OXCT1: variants seen among roughly 807,000 people sequenced by gnomAD.
OXCT1 encodes 3-oxoacid CoA-transferase 1, also known as succinyl-CoA:3-ketoacid coenzyme A transferase 1, mitochondrial.
A neutral mutation model predicts 69.6 loss-of-function variants in OXCT1; 27 were observed. That is an observed-to-expected ratio of 0.39 (90% CI 0.29 to 0.54). The LOEUF (loss-of-function observed/expected upper bound fraction) is 0.54. OXCT1 is among the 20% of genes least tolerant of loss of function. OXCT1 has a pLI of 0.72. For missense variants in OXCT1, 437 were observed against 650.2 expected (o/e 0.67, Z 3.57); for synonymous variants, 202 against 217.8 (o/e 0.93, Z 0.64).
intron 7 of OXCT1, among the ~76,000 whole-genome samples, chr5:41,831,828 C>T (rs982779351): frequency 6.6e-6 from 1 of 152,146 alleles, no homozygotes; most frequent in African/African-American, 2.4e-5. Flanking sequence ...CAAAAATAGA[C>T]ATTTAAAATG....
intron 7 of OXCT1, among the ~76,000 whole-genome samples, chr5:41,830,180 T>C (rs1024211557): frequency 1.3e-5 from 2 of 152,166 alleles, no homozygotes; most frequent in Non-Finnish European, 2.9e-5. Flanking sequence ...ATTTACCATG[T>C]CTAAAAAATC....
At chr5:41,794,953 T>C (rs1405746025) in intron 11 of OXCT1, among the ~76,000 whole-genome samples, 3 of 152,186 alleles carry the variant, frequency 2.0e-5, no homozygotes, top group Admixed American at 2.0e-4. Context: ...TGCCTTTGCA[T>C]GATGATAATG....
intron 7 of OXCT1, among the ~76,000 whole-genome samples, chr5:41,814,662 G>T (rs1359887870): frequency 6.8e-6 from 1 of 146,708 alleles, no homozygotes; most frequent in Non-Finnish European, 1.5e-5. Flanking sequence ...ACTCATAGGT[G>T]GGAATTGAAC....
At chr5:41,861,503 C>T in intron 2 of OXCT1, 99 bp from the exon 3 acceptor site, 1 of 809,280 alleles carries the variant, frequency 1.2e-6, no homozygotes. Flanking sequence ...TAAAACAAAG[C>T]ACATTATTAG....
Position 41,764,502 on chromosome 5 carries a change from G to A in OXCT1, c.1249-2302C>T, listed in dbSNP as rs530639593. Among the ~76,000 whole-genome samples the A allele has an allele frequency of 2.0e-5, 3 of 152,204 alleles. No individual in the cohort carries two copies. In the South Asian group the frequency reaches 6.2e-4, roughly 32 times the overall value. On this transcript the variant is annotated intron_variant, in intron 13 of 16. Coordinates refer to ENST00000196371, the MANE Select transcript of OXCT1 (RefSeq NM_000436.4). Reference sequence around the variant, plus strand: ...TCTCCTGGAAAAGCTTGTTGCCTATGGAAGGAAAAGTATCCATGAATACTA... The same window carrying A: ...TCTCCTGGAAAAGCTTGTTGCCTATAGAAGGAAAAGTATCCATGAATACTA...
chr5:41,827,095 T>C (rs1270158161), intron 7 of OXCT1, among the ~76,000 whole-genome samples: 1 of 152,096 alleles, frequency 6.6e-6, no homozygotes, highest in Non-Finnish European at 1.5e-5. Flanking sequence ...CCAGATCACA[T>C]CAGTCTCCTC....
intron 5 of OXCT1, 112 bp downstream of exon 5, chr5:41,849,918 G>A (rs1272978815): frequency 6.5e-6 from 7 of 1,069,950 alleles, no homozygotes; most frequent in African/African-American, 1.6e-5. Context: ...GAAAATGAAT[G>A]AGTGCTTTTT....
rs749734929 is a variant in OXCT1 at position 41,807,406 on chromosome 5, A to G, written c.765T>C (p.Ala255=). The G allele has an allele frequency of 1.2e-6, 2 of 1,605,578 alleles. No individual in the cohort carries two copies. Among genetic ancestry groups the G allele is most frequent in the Admixed American group, 1.7e-5 (1 of 59,856 alleles). ...TCTGAGGAATATGGATGTCTTCTGG[A>G]GCAAATGCTCCAATATCCACAATTT... ...VEEIVDIGAF[A]PEDIHIPQIY... is the part of the protein sequence containing the mutation. The change falls in exon 8 of 17, where the codon GCT becomes GCC. Residue 255 remains alanine, a synonymous_variant. Transcript: ENST00000196371.
At chr5:41,778,692 G>C (rs1030396979) in intron 13 of OXCT1, among the ~76,000 whole-genome samples, 2 of 152,164 alleles carry the variant, frequency 1.3e-5, no homozygotes, top group African/African-American at 4.8e-5. Context: ...CCCACCACAT[G>C]CATTAGACAG....
intron 14 of OXCT1, among the ~76,000 whole-genome samples, chr5:41,760,111 A>G (rs1383617334): frequency 1.3e-5 from 2 of 152,168 alleles, no homozygotes; most frequent in Non-Finnish European, 2.9e-5. Context: ...CAAAAAAGAA[A>G]TAGCAGGTTC....
chr5:41,790,208 C>G (rs1745849033), intron 13 of OXCT1, among the ~76,000 whole-genome samples: 1 of 152,186 alleles, frequency 6.6e-6, no homozygotes, highest in Admixed American at 6.5e-5. Flanking sequence ...TTTCAATAAC[C>G]AGCTCTCATA....
At chr5:41,860,330 TA>T (rs1749676117) in intron 3 of OXCT1, among the ~76,000 whole-genome samples, 1 of 152,044 alleles carries the variant, frequency 6.6e-6, no homozygotes, top group Non-Finnish European at 1.5e-5. Context: ...ATATCAAAGA[TA>T]AGTAAAATTC....
At chr5:41,793,352 G>C (rs766691116) in intron 13 of OXCT1, among the ~76,000 whole-genome samples, 2 of 152,176 alleles carry the variant, frequency 1.3e-5, no homozygotes, top group Non-Finnish European at 2.9e-5. Context: ...ACGTACTTGG[G>C]AAGCAACATC....
intron 7 of OXCT1, among the ~76,000 whole-genome samples, chr5:41,826,772 C>T (rs1747826402): frequency 6.6e-6 from 1 of 151,994 alleles, no homozygotes; most frequent in Non-Finnish European, 1.5e-5. Context: ...ACCTTTCCGA[C>T]CTCCCCTCTA....
intron 13 of OXCT1, among the ~76,000 whole-genome samples, chr5:41,772,257 A>G (rs1744903632): frequency 6.6e-6 from 1 of 152,078 alleles, no homozygotes; most frequent in Admixed American, 6.5e-5. Context: ...GGCAGCACAT[A>G]CTTGCTCCAT....
At chr5:41,819,944 G>A (rs1747465408) in intron 7 of OXCT1, among the ~76,000 whole-genome samples, 1 of 151,980 alleles carries the variant, frequency 6.6e-6, no homozygotes, top group African/African-American at 2.4e-5. Context: ...AGGCAATCAA[G>A]TTCTTATCCT....
intron 3 of OXCT1, among the ~76,000 whole-genome samples, chr5:41,859,907 T>TATATATAC (rs1304074270): frequency 1.2e-4 from 17 of 138,472 alleles, no homozygotes; most frequent in African/African-American, 4.0e-4. Context: ...TATATATATA[T>TATATATAC]ACACACACAC....
intron 13 of OXCT1, among the ~76,000 whole-genome samples, chr5:41,765,440 C>G (rs1364113798): frequency 6.6e-6 from 1 of 152,136 alleles, no homozygotes; most frequent in African/African-American, 2.4e-5. Context: ...TACATTGCAC[C>G]ATTCAAAATG....
At chr5:41,781,537 A>C (rs900478959) in intron 13 of OXCT1, among the ~76,000 whole-genome samples, 3 of 151,830 alleles carry the variant, frequency 2.0e-5, no homozygotes, top group Non-Finnish European at 4.4e-5. Flanking sequence ...GTGTTTTGCC[A>C]CATAGATCAT....
Sources: gnomAD v4.1 joint callset for allele counts (sites outside exome capture counted in the v4.1 genomes callset) on GRCh38, gnomAD v4.1.1 for gene constraint, MANE v1.5 for transcripts, NCBI Gene and HGNC (gene_info 2026-07-23, HGNC 2026-07-21) for gene names.